FOXN3: variants seen among roughly 807,000 people sequenced by gnomAD.
The protein encoded by FOXN3 is forkhead box N3, also known as forkhead box protein N3.
A neutral mutation model predicts 38.4 loss-of-function variants in FOXN3; 7 were observed. The observed-to-expected ratio is 0.18, with a 90% CI of 0.10 to 0.34. The LOEUF (loss-of-function observed/expected upper bound fraction) is 0.34, where lower values mean the gene tolerates loss of function less well. Ranked by LOEUF, FOXN3 falls within the 10% of genes least tolerant of loss-of-function variation. The pLI, the probability that FOXN3 is intolerant of heterozygous loss-of-function variation, is 1.00. For missense variants in FOXN3, 456 were observed against 613.4 expected, an observed-to-expected ratio of 0.74 and a Z score of 2.71; for synonymous variants, 230 against 242.2, an observed-to-expected ratio of 0.95 and a Z score of 0.47.
chr14:89,561,209 ATTTG>A (rs1454802416), intron 1 of FOXN3, among the ~76,000 whole-genome samples: 3 of 152,126 alleles, frequency 2.0e-5, no homozygotes, highest in African/African-American at 4.8e-5. Flanking sequence ...TTGTTCATTC[ATTTG>A]TTTGTTTATT....
chr14:89,560,448 C>A (rs754863604), intron 1 of FOXN3, among the ~76,000 whole-genome samples: 1 of 152,194 alleles, frequency 6.6e-6, no homozygotes, highest in Non-Finnish European at 1.5e-5. Context: ...GGATAGGGAA[C>A]CATACCCCAT....
At chr14:89,290,598 C>A in intron 3 of FOXN3, 1 of 549,218 alleles carries the variant, frequency 1.8e-6, no homozygotes, top group South Asian at 1.5e-5. Flanking sequence ...AAGGTCATTC[C>A]TGTCTTCTTG....
intron 1 of FOXN3, among the ~76,000 whole-genome samples, chr14:89,506,693 G>A (rs549493104): frequency 2.6e-5 from 4 of 152,370 alleles, no homozygotes; most frequent in Non-Finnish European, 5.9e-5. Context: ...AGGCGGGAAA[G>A]GTGGGGAAAA....
intron 2 of FOXN3, among the ~76,000 whole-genome samples, chr14:89,382,837 T>G (rs1890687462): frequency 1.3e-5 from 2 of 152,094 alleles, no homozygotes; most frequent in Non-Finnish European, 2.9e-5. Flanking sequence ...GGAGGTCTCC[T>G]TGATGATGAC....
At chr14:89,487,990 G>A (rs59759144) in intron 1 of FOXN3, among the ~76,000 whole-genome samples, 3,479 of 152,204 alleles carry the variant, frequency 0.023, 151 homozygotes, top group African/African-American at 0.079. Context: ...TCGGGGGCAC[G>A]GGGTAACCAG....
At chr14:89,207,876 ATGAGTTAAAC>A (rs1888425779) in intron 4 of FOXN3, among the ~76,000 whole-genome samples, 1 of 152,166 alleles carries the variant, frequency 6.6e-6, no homozygotes, top group Non-Finnish European at 1.5e-5. Context: ...CCTCTTGCAG[ATGAGTTAAAC>A]TTGACCTTCC....
At chr14:89,263,280 T>C (rs1429357637) in intron 4 of FOXN3, among the ~76,000 whole-genome samples, 18 of 152,180 alleles carry the variant, frequency 1.2e-4, no homozygotes, top group Admixed American at 1.2e-3. Context: ...TTCATTTTTT[T>C]CCTAATTTCA....
chr14:89,389,111 C>T (rs1358068374), intron 2 of FOXN3, among the ~76,000 whole-genome samples: 2 of 152,106 alleles, frequency 1.3e-5, no homozygotes, highest in Non-Finnish European at 2.9e-5. Context: ...GCAGGGAGAG[C>T]TGCAGCCTGA....
intron 1 of FOXN3, among the ~76,000 whole-genome samples, chr14:89,572,972 T>C (rs143656340): frequency 1.4e-4 from 21 of 152,332 alleles, no homozygotes; most frequent in East Asian, 7.7e-4. Flanking sequence ...GGGACACAAC[T>C]TCTGTTAGCC....
chr14:89,499,280 G>C (rs1400322014), intron 1 of FOXN3, among the ~76,000 whole-genome samples: 2 of 151,996 alleles, frequency 1.3e-5, no homozygotes, highest in Admixed American at 1.3e-4. Context: ...TAATAGAGTT[G>C]ATTAGAATTT....
At chr14:89,439,006 C>T (rs908198506) in intron 1 of FOXN3, among the ~76,000 whole-genome samples, 1 of 152,160 alleles carries the variant, frequency 6.6e-6, no homozygotes, top group Non-Finnish European at 1.5e-5. Flanking sequence ...GGTCTGCCCA[C>T]CTCGGCCTCC....
chr14:89,491,643 G>A (rs1893578535), intron 1 of FOXN3, among the ~76,000 whole-genome samples: 1 of 152,224 alleles, frequency 6.6e-6, no homozygotes, highest in Non-Finnish European at 1.5e-5. Flanking sequence ...GGAATCTTCA[G>A]AAGTTCTGGG....
At chr14:89,430,075 A>G (rs1466604871) in intron 1 of FOXN3, among the ~76,000 whole-genome samples, 1 of 152,256 alleles carries the variant, frequency 6.6e-6, no homozygotes, top group Admixed American at 6.5e-5. Flanking sequence ...ACAAGCAATC[A>G]TGATGCTCTA....
At chr14:89,180,630 G>A in intron 5 of FOXN3, 71 bp downstream of exon 5, 1 of 1,118,174 alleles carries the variant, frequency 8.9e-7, no homozygotes, top group Non-Finnish European at 1.2e-6. Flanking sequence ...GTCTCCAGAA[G>A]GGACCCCGTG....
intron 1 of FOXN3, among the ~76,000 whole-genome samples, chr14:89,568,312 G>A (rs976062176): frequency 6.6e-6 from 1 of 152,140 alleles, no homozygotes; most frequent in African/African-American, 2.4e-5. Context: ...AACAGCAGAA[G>A]GGATGCTCTG....
intron 1 of FOXN3, among the ~76,000 whole-genome samples, chr14:89,520,526 T>C (rs1894297782): frequency 6.6e-6 from 1 of 152,162 alleles, no homozygotes; most frequent in African/African-American, 2.4e-5. Flanking sequence ...CCAAGTTTTG[T>C]GTAAAAACTG....
chr14:89,380,320 C>A (rs1362472043), intron 2 of FOXN3, among the ~76,000 whole-genome samples: 1 of 152,214 alleles, frequency 6.6e-6, no homozygotes, highest in Non-Finnish European at 1.5e-5. Context: ...CCAAGCCACG[C>A]AGAATTGTGA....
intron 1 of FOXN3, among the ~76,000 whole-genome samples, chr14:89,497,639 G>C (rs1893713876): frequency 6.6e-6 from 1 of 151,958 alleles, no homozygotes. Context: ...CTGACCTCAG[G>C]TGATCCGCCT....
chr14:89,528,961 G>A (rs1280821501), intron 1 of FOXN3, among the ~76,000 whole-genome samples: 1 of 151,974 alleles, frequency 6.6e-6, no homozygotes, highest in Non-Finnish European at 1.5e-5. Context: ...AGCCACGGAT[G>A]TACACATACA....
Sources: allele counts gnomAD v4.1 joint callset (sites outside exome capture counted in the v4.1 genomes callset), GRCh38; gene constraint gnomAD v4.1.1; transcripts MANE v1.5; gene names NCBI Gene and HGNC (gene_info 2026-07-23, HGNC 2026-07-21).